SLC6A2: variants seen among roughly 807,000 people sequenced by gnomAD.
The protein encoded by SLC6A2 is solute carrier family 6 member 2, also known as sodium-dependent noradrenaline transporter.
SLC6A2 carries 26 observed loss-of-function variants against 71.7 expected under a neutral mutation model. The observed-to-expected ratio is 0.36, with a 90% CI of 0.27 to 0.50. The LOEUF (loss-of-function observed/expected upper bound fraction) is 0.50. Among genes scored for constraint, SLC6A2 ranks in the 20% least tolerant of loss-of-function variants. The pLI is 0.96. For missense variants in SLC6A2, 581 were observed against 803.9 expected (o/e 0.72, Z 3.35); for synonymous variants, 363 against 337.9 (o/e 1.07, Z -0.82).
chr16:55,696,888 G>T (rs1430286277), intron 9 of SLC6A2, among the ~76,000 whole-genome samples: 1 of 152,190 alleles, frequency 6.6e-6, no homozygotes, highest in African/African-American at 2.4e-5. Flanking sequence ...GGAGGCTGAG[G>T]TGGGAGGATC....
chr16:55,688,305 T>C (rs763965400), intron 5 of SLC6A2, among the ~76,000 whole-genome samples: 1 of 152,248 alleles, frequency 6.6e-6, no homozygotes. Flanking sequence ...AAGGTTGTGC[T>C]GGTCCTGGCT....
chr16:55,669,370 T>C (rs1964841203), intron 2 of SLC6A2, among the ~76,000 whole-genome samples, 195 bp from the exon 3 acceptor site: 1 of 152,198 alleles, frequency 6.6e-6, no homozygotes, highest in Non-Finnish European at 1.5e-5. Context: ...CCACAGAACC[T>C]CACTATTATG....
Position 55,697,880 on chromosome 16 carries a change from C to T in SLC6A2, c.1261-17C>T. ...AGACCCTAATTCCTGCACCCCACCC[C>T]TCCTGGTTCCCTCCAGATGGGAGGC... On this transcript the variant is annotated splice_polypyrimidine_tract_variant and intron_variant, in intron 9 of 14. Transcript: ENST00000568943. 1 of 1,613,838 alleles carries T rather than the reference C, an allele frequency of 6.2e-7. No homozygotes were observed. The highest frequency in any genetic ancestry group is 1.1e-5 in the South Asian group (1 of 91,056).
Position 55,697,944 on chromosome 16 carries a change from G to A in SLC6A2, c.1308G>A (p.Gln436=). 6.2e-7 allele frequency: 1 copy of A among 1,614,018 alleles called. No individual in the cohort carries two copies. The highest frequency in any genetic ancestry group is 1.3e-5 in the African/African-American group (1 of 75,008). The part of the protein sequence containing the change: ...AVITGLADDF[Q]VLKRHRKLFT... Reference sequence around the variant, plus strand: ...TCACGGGCCTGGCAGATGACTTCCAGGTCCTGAAGCGACACCGGAAACTCT... The same window carrying A: ...TCACGGGCCTGGCAGATGACTTCCAAGTCCTGAAGCGACACCGGAAACTCT... The change falls in exon 10 of 15, where the codon CAG becomes CAA. Residue 436 remains glutamine (Q), a synonymous_variant. Coordinates refer to ENST00000568943, the MANE Select transcript of SLC6A2 (RefSeq NM_001172501.3).
In SLC6A2 at chr16:55,705,190, C is replaced by T; in HGVS notation, c.*2844C>T. On this transcript the variant is annotated 3_prime_UTR_variant, in exon 15 of 15. Transcript: ENST00000568943. ...GTCTACTCAATGTCTAGTTATTTAG[C>T]ACCCACCTTTTAGCTTTCATTCTAG... 6.6e-7 allele frequency: 1 copy of T among 1,515,408 alleles called. No homozygotes were observed. Among genetic ancestry groups the T allele is most frequent in the East Asian group, 2.4e-5 (1 of 40,824 alleles). 93.9% of individuals were successfully genotyped at this position (1,515,408 alleles called of 1,614,324 possible).
intron 5 of SLC6A2, among the ~76,000 whole-genome samples, chr16:55,689,529 G>A (rs1965550656): frequency 1.3e-5 from 2 of 152,210 alleles, no homozygotes; most frequent in African/African-American, 4.8e-5. Flanking sequence ...TGGGAGGAGT[G>A]TAGTCTCACC....
chr16:55,677,379 A>G (rs1487681833), intron 4 of SLC6A2, among the ~76,000 whole-genome samples: 1 of 152,078 alleles, frequency 6.6e-6, no homozygotes, highest in African/African-American at 2.4e-5. Context: ...GCTCTCGGCA[A>G]CCCTTGTTTT....
Position 55,694,063 on chromosome 16 carries a change from A to T in SLC6A2, c.972A>T (p.Gly324=). 1.9e-6 allele frequency: 3 copies of T among 1,613,602 alleles called. No homozygotes were observed. The highest frequency in any genetic ancestry group is 2.5e-6 in the Non-Finnish European group (3 of 1,179,606). Residue 324 remains glycine, a synonymous_variant, in exon 7 of 15, where the codon GGA becomes GGT. Transcript: ENST00000568943. ...TTTTTTCCTTGGGGGCTGGATTTGG[A>T]GTATTGATTGCATTTGCCAGTTACA... The part of the protein sequence containing the change: ...QIFFSLGAGF[G]VLIAFASYNK...
intron 2 of SLC6A2, among the ~76,000 whole-genome samples, chr16:55,665,763 C>T (rs1436760258): frequency 6.6e-5 from 10 of 152,174 alleles, no homozygotes; most frequent in Admixed American, 6.5e-5. Context: ...CTAATGACCC[C>T]GGGCTTCCCT....
Position 55,702,432 on chromosome 16 carries a change from G to C in SLC6A2, c.*86G>C. Reference sequence around the variant, plus strand: ...CGCTCCCACCTCGGACACCATCTTGGGATTCCTCCCCTGGAAGTTGTCCTT... The same window carrying C: ...CGCTCCCACCTCGGACACCATCTTGCGATTCCTCCCCTGGAAGTTGTCCTT... On this transcript the variant is annotated 3_prime_UTR_variant, in exon 15 of 15. Transcript: ENST00000568943. 6.2e-7 allele frequency: 1 copy of C among 1,612,160 alleles called. No homozygotes were observed. The highest frequency in any genetic ancestry group is 1.7e-4 in the Middle Eastern group (1 of 6,060).
At chr16:55,670,290 G>A (rs1199826727) in intron 3 of SLC6A2, among the ~76,000 whole-genome samples, 1 of 152,194 alleles carries the variant, frequency 6.6e-6, no homozygotes, top group Non-Finnish European at 1.5e-5. Flanking sequence ...ATGGCAACGA[G>A]GGCCAGTGTG....
At chr16:55,661,905 A>T (rs1964620589) in intron 2 of SLC6A2, among the ~76,000 whole-genome samples, 1 of 152,200 alleles carries the variant, frequency 6.6e-6, no homozygotes. Flanking sequence ...CTTAATACTG[A>T]GTATGAAGCA....
chr16:55,702,577 CTTCTG>C lies in SLC6A2; in HGVS notation c.*238_*242del. 4 of 1,440,106 alleles carry C rather than the reference CTTCTG, an allele frequency of 2.8e-6. No individual in the cohort carries two copies. Among genetic ancestry groups the C allele is most frequent in the South Asian group, 1.4e-5 (1 of 68,984 alleles). The allele number at this position is 1,440,106 out of a possible 1,614,324, so 89.2% of individuals were successfully genotyped here. On this transcript the variant is annotated 3_prime_UTR_variant, in exon 15 of 15. Transcript: ENST00000568943. ...AGGAGAGGAGCAAACAGGAAAATGACTTCTGTTCTGTCCCCGCTGTTTTGGGGGAA... is the reference window on the plus strand; with the variant it reads ...AGGAGAGGAGCAAACAGGAAAATGACTTCTGTCCCCGCTGTTTTGGGGGAA...
At chr16:55,694,225 T>C in intron 7 of SLC6A2, 112 bp downstream of exon 7, 1 of 802,852 alleles carries the variant, frequency 1.2e-6, no homozygotes, top group Non-Finnish European at 2.2e-6. Flanking sequence ...AAGCCAAATT[T>C]TCTTCTTGTG....
In SLC6A2 at chr16:55,685,329, G is replaced by C. The variant is rs752483925; in HGVS notation, c.783+48G>C. 5 of 1,585,642 alleles carry C rather than the reference G, an allele frequency of 3.2e-6. No individual in the cohort carries two copies. The South Asian group carries it at 4.4e-5, about 14-fold the overall frequency. ...TCACTTACTTGGGTGATCAACCTTG[G>C]GGGGTGTGATTATTTCTAGCAATAA... On this transcript the variant is annotated intron_variant, in intron 5 of 14. Coordinates refer to ENST00000568943, the MANE Select transcript of SLC6A2 (RefSeq NM_001172501.3).
chr16:55,670,386 G>A (rs577953388), intron 3 of SLC6A2, among the ~76,000 whole-genome samples: 1 of 152,284 alleles, frequency 6.6e-6, no homozygotes, highest in South Asian at 2.1e-4. Context: ...GCTGGTGCAA[G>A]AGTCTTATAA....
rs144033607 is a variant in SLC6A2 at position 55,671,010 on chromosome 16, C to G, written c.407-928C>G. Among the ~76,000 whole-genome samples the G allele has an allele frequency of 2.7e-3, 404 of 152,338 alleles. 5 individuals carry two copies. The South Asian group carries it at 0.047, about 18-fold the overall frequency. ...GGAGCTTGTGATACATTGAGGAACA[C>G]GATACTGGCACCCGAAGCAGGTGGC... On this transcript the variant is annotated intron_variant, in intron 3 of 14. Transcript: ENST00000568943.
chr16:55,662,505 G>A (rs77361620), intron 2 of SLC6A2, among the ~76,000 whole-genome samples: 3,392 of 152,242 alleles, frequency 0.022, 131 homozygotes, highest in African/African-American at 0.077. Context: ...CCCAAATGGG[G>A]GAGGTGAGGT....
At chr16:55,665,780 G>C (rs1964733022) in intron 2 of SLC6A2, among the ~76,000 whole-genome samples, 1 of 152,138 alleles carries the variant, frequency 6.6e-6, no homozygotes, top group Non-Finnish European at 1.5e-5. Context: ...CCCTTCCTGG[G>C]TACTTGGCAT....
Sources: allele counts gnomAD v4.1 joint callset (sites outside exome capture counted in the v4.1 genomes callset), GRCh38; gene constraint gnomAD v4.1.1; transcripts MANE v1.5; gene names NCBI Gene and HGNC (gene_info 2026-07-23, HGNC 2026-07-21).